The following CSMD1 variants were observed in gnomAD, a reference collection of about 807,000 sequenced individuals.
CSMD1 encodes CUB and sushi domain-containing protein 1.
CSMD1 carries 213 observed loss-of-function variants against 417.5 expected under a neutral mutation model. The observed-to-expected ratio is 0.51, with a 90% CI of 0.46 to 0.57. The LOEUF is 0.57. Among genes scored for constraint, CSMD1 ranks in the 20% least tolerant of loss-of-function variants. The probability of loss-of-function intolerance (pLI) is 0.00; values close to 1 mark genes in which losing one functional copy is unlikely to be tolerated. For missense variants in CSMD1, 6,923 were observed against 4,529.7 expected, an observed-to-expected ratio of 1.53 and a Z score of -15.17; for synonymous variants, 2,862 against 1,736.8, an observed-to-expected ratio of 1.65 and a Z score of -16.11.
At chr8:4,139,512 T>C (rs76581888) in intron 3 of CSMD1, among the ~76,000 whole-genome samples, 45,661 of 150,696 alleles carry the variant, frequency 0.3, 8,582 homozygotes, top group Non-Finnish European at 0.39. Flanking sequence ...GCATTCAGTG[T>C]TGTGGATCTC....
chr8:3,893,238 T>C (rs1169456085), intron 5 of CSMD1, among the ~76,000 whole-genome samples: 2 of 150,510 alleles, frequency 1.3e-5, no homozygotes, highest in Non-Finnish European at 3.0e-5. Flanking sequence ...ACATTTTTTC[T>C]TCTTCTTATA....
chr8:3,749,610 T>G (rs1484119083), intron 6 of CSMD1, among the ~76,000 whole-genome samples: 8 of 152,208 alleles, frequency 5.3e-5, no homozygotes, highest in Non-Finnish European at 1.2e-4. Context: ...GAATATATTA[T>G]TTGTCTTTGA....
chr8:4,610,902 A>G (rs1397379510), intron 2 of CSMD1, among the ~76,000 whole-genome samples: 1 of 152,216 alleles, frequency 6.6e-6, no homozygotes, highest in East Asian at 1.9e-4. Context: ...TTAATTGTCC[A>G]TGAGGAGTTA....
At chr8:3,618,304 C>G (rs1300295296) in intron 7 of CSMD1, among the ~76,000 whole-genome samples, 1 of 152,122 alleles carries the variant, frequency 6.6e-6, no homozygotes, top group East Asian at 1.9e-4. Context: ...CACACCCAGT[C>G]AAAATTTATC....
intron 5 of CSMD1, among the ~76,000 whole-genome samples, chr8:3,870,275 T>A (rs145755005): frequency 4.6e-5 from 7 of 152,332 alleles, no homozygotes; most frequent in African/African-American, 1.7e-4. Context: ...TGTAAACGTG[T>A]TACATACCAA....
chr8:3,958,484 G>A (rs146227516), intron 5 of CSMD1, among the ~76,000 whole-genome samples: 1 of 152,102 alleles, frequency 6.6e-6, no homozygotes, highest in African/African-American at 2.4e-5. Context: ...AATTGAAATT[G>A]TTCCTGCTTA....
rs1185411436 is a variant in CSMD1 at position 3,308,472 on chromosome 8, G to T, written c.3663C>A (p.Gly1221=). The change falls in exon 24 of 70, where the codon GGC becomes GGA. Residue 1221 remains glycine, a synonymous_variant. Coordinates refer to ENST00000635120, the MANE Select transcript of CSMD1 (RefSeq NM_033225.6). The part of the protein sequence containing the change: ...SFDLVKCEDP[G]IPNYGYRIRD... ...GGATCCTATAGCCGTAGTTAGGGAT[G>T]CCCGGATCCTCACATTTTACCAGAT... The T allele has an allele frequency of 2.5e-6, 4 of 1,613,304 alleles. No individual in the cohort carries two copies. Among genetic ancestry groups the T allele is most frequent in the Non-Finnish European group, 3.4e-6 (4 of 1,179,476 alleles).
At chr8:4,262,629 C>G (rs924579771) in intron 3 of CSMD1, among the ~76,000 whole-genome samples, 2 of 152,086 alleles carry the variant, frequency 1.3e-5, no homozygotes, top group African/African-American at 4.8e-5. Flanking sequence ...ACAGCCATCG[C>G]CACCCAGTTA....
At chr8:3,571,585 C>A (rs930289318) in intron 10 of CSMD1, among the ~76,000 whole-genome samples, 15 of 152,112 alleles carry the variant, frequency 9.9e-5, no homozygotes, top group African/African-American at 3.6e-4. Flanking sequence ...ACACCCACGG[C>A]ACCTACTGGA....
chr8:4,543,497 T>G (rs1026589369), intron 2 of CSMD1, among the ~76,000 whole-genome samples: 2 of 152,172 alleles, frequency 1.3e-5, no homozygotes, highest in Non-Finnish European at 1.5e-5. Context: ...CTGAATAATT[T>G]TGATTATCTG....
chr8:4,103,265 T>TTTTATATATA (rs1554449717), intron 3 of CSMD1, among the ~76,000 whole-genome samples: 1 of 150,026 alleles, frequency 6.7e-6, no homozygotes, highest in Non-Finnish European at 1.5e-5. Flanking sequence ...TATACATACA[T>TTTTATATATA]TATATATATC....
intron 2 of CSMD1, among the ~76,000 whole-genome samples, chr8:4,491,135 A>G (rs1801676516): frequency 1.3e-5 from 2 of 152,180 alleles, no homozygotes; most frequent in African/African-American, 2.4e-5. Flanking sequence ...TAATCTCTAC[A>G]ACAAACCCCC....
intron 1 of CSMD1, among the ~76,000 whole-genome samples, chr8:4,846,579 T>C (rs901322487): frequency 1.3e-5 from 2 of 152,200 alleles, no homozygotes; most frequent in Non-Finnish European, 2.9e-5. Flanking sequence ...GGTACTTTTC[T>C]ACCCCCTGTA....
chr8:4,379,253 A>T (rs1802947047), intron 3 of CSMD1, among the ~76,000 whole-genome samples: 1 of 152,188 alleles, frequency 6.6e-6, no homozygotes, highest in Non-Finnish European at 1.5e-5. Flanking sequence ...AACATGTGGG[A>T]CTTTTTAAAA....
chr8:4,354,397 A>G (rs1452947638), intron 3 of CSMD1, among the ~76,000 whole-genome samples: 1 of 152,220 alleles, frequency 6.6e-6, no homozygotes, highest in East Asian at 1.9e-4. Context: ...ATTAAAATAC[A>G]CCGTTCCCCA....
chr8:3,925,690 A>G (rs1464100586), intron 5 of CSMD1, among the ~76,000 whole-genome samples: 3 of 151,842 alleles, frequency 2.0e-5, no homozygotes, highest in Non-Finnish European at 4.4e-5. Context: ...TTCTCTTGCC[A>G]CCACCACGTA....
intron 1 of CSMD1, among the ~76,000 whole-genome samples, chr8:4,985,479 A>T (rs762924649): frequency 6.6e-6 from 1 of 152,220 alleles, no homozygotes; most frequent in Non-Finnish European, 1.5e-5. Flanking sequence ...TCTTTAGGTG[A>T]GCAAAATTAT....
intron 54 of CSMD1, among the ~76,000 whole-genome samples, chr8:2,983,523 T>C (rs891482436): frequency 1.3e-5 from 2 of 152,194 alleles, no homozygotes; most frequent in African/African-American, 2.4e-5. Flanking sequence ...TATTTATTCA[T>C]TAAAATGTAT....
rs145921697 is a variant in CSMD1 at position 3,056,345 on chromosome 8, G to A, written c.7475-3698C>T. Among the ~76,000 whole-genome samples, 373 of 152,162 alleles carry A rather than the reference G, an allele frequency of 2.5e-3. 3 individuals carry two copies. The highest frequency in any genetic ancestry group is 8.0e-3 in the African/African-American group (331 of 41,516). On this transcript the variant is annotated intron_variant, in intron 49 of 69. Transcript: ENST00000635120. ...TCAAATAGTGGTTAACTTTGTTTCCGCAGGCTTAAAACGTTTCTCTGTTTT... is the reference window on the plus strand; with the variant it reads ...TCAAATAGTGGTTAACTTTGTTTCCACAGGCTTAAAACGTTTCTCTGTTTT...
Sources: allele counts gnomAD v4.1 joint callset (sites outside exome capture counted in the v4.1 genomes callset), GRCh38; gene constraint gnomAD v4.1.1; transcripts MANE v1.5; gene names NCBI Gene and HGNC (gene_info 2026-07-23, HGNC 2026-07-21).